Variants in PACRG observed in about 807,000 individuals in gnomAD.
PACRG encodes the protein parkin coregulated gene protein.
PACRG carries 29 observed loss-of-function variants against 29.7 expected under a neutral mutation model. That is an observed-to-expected ratio of 0.98 (90% CI 0.73 to 1.33). The LOEUF (loss-of-function observed/expected upper bound fraction) is 1.33, where lower values mean the gene tolerates loss of function less well. Among genes scored for constraint, PACRG ranks in the 40% most tolerant of loss-of-function variants. The probability of loss-of-function intolerance (pLI) is 0.00; values close to 1 mark genes in which losing one functional copy is unlikely to be tolerated. For synonymous variants in PACRG, 116 were observed against 118.7 expected (o/e 0.98, Z 0.15); for missense variants, 279 against 316.2 (o/e 0.88, Z 0.89).
At chr6:163,267,208 A>G (rs561771580) in intron 4 of PACRG, among the ~76,000 whole-genome samples, 1 of 152,200 alleles carries the variant, frequency 6.6e-6, no homozygotes, top group African/African-American at 2.4e-5. Context: ...TGGGACCACA[A>G]ATGACCCCTG....
At chr6:162,864,517 T>A (rs960696272) in intron 2 of PACRG, among the ~76,000 whole-genome samples, 1 of 152,188 alleles carries the variant, frequency 6.6e-6, no homozygotes, top group Non-Finnish European at 1.5e-5. Flanking sequence ...TGTTCTTTCT[T>A]CCTGCCTGTC....
intron 1 of PACRG, among the ~76,000 whole-genome samples, chr6:162,807,716 A>T (rs1035931920): frequency 3.9e-5 from 6 of 152,170 alleles, no homozygotes; most frequent in African/African-American, 1.4e-4. Flanking sequence ...TAGTACCAGG[A>T]TTACCAAAAC....
chr6:163,180,337 G>A (rs960809572), intron 4 of PACRG, among the ~76,000 whole-genome samples: 2 of 152,156 alleles, frequency 1.3e-5, no homozygotes, highest in Non-Finnish European at 2.9e-5. Flanking sequence ...ATATCACGAA[G>A]CCTTCACAAG....
In PACRG at chr6:162,907,378, A is replaced by C. The variant is rs181891698; in HGVS notation, c.291+93097A>C. Among the ~76,000 whole-genome samples, 28 of 152,302 alleles carry C rather than the reference A, an allele frequency of 1.8e-4. No homozygotes were observed. The East Asian group carries it at 5.2e-3, about 28-fold the overall frequency. On this transcript the variant is annotated intron_variant, in intron 2 of 4. Transcript: ENST00000366888. ...ATTCATAAGGAAAAATTGAAATTAA[A>C]CAATTTTTCTTTCAATTGGGCATTT...
Position 163,006,020 on chromosome 6 carries a change from A to G in PACRG, c.292-56130A>G, listed in dbSNP as rs539816021. Among the ~76,000 whole-genome samples the G allele has an allele frequency of 7.1e-3, 969 of 135,804 alleles. 17 individuals are homozygous for G. Among genetic ancestry groups the G allele is most frequent in the African/African-American group, 0.029 (913 of 31,378 alleles). 89.1% of individuals were successfully genotyped at this position (135,804 alleles called of 152,430 possible). On this transcript the variant is annotated intron_variant, in intron 2 of 4. Coordinates refer to ENST00000366888, the MANE Select transcript of PACRG (RefSeq NM_001080379.2). Reference sequence around the variant, plus strand: ...TGTATAACATTTATATGTTATATACATTATATATGTTATATATAACATATA... The same window carrying G: ...TGTATAACATTTATATGTTATATACGTTATATATGTTATATATAACATATA...
intron 1 of PACRG, among the ~76,000 whole-genome samples, chr6:162,787,576 G>A (rs1160474177): frequency 1.0e-4 from 6 of 59,520 alleles, no homozygotes; most frequent in South Asian, 6.8e-4. Context: ...GTGTGTGTGT[G>A]TGTGTGTATA....
At chr6:163,262,830 G>T (rs563503595) in intron 4 of PACRG, among the ~76,000 whole-genome samples, 1 of 150,004 alleles carries the variant, frequency 6.7e-6, no homozygotes, top group Non-Finnish European at 1.5e-5. Flanking sequence ...TCACTTGAGC[G>T]CAGAAGTTCA....
intron 1 of PACRG, among the ~76,000 whole-genome samples, chr6:162,809,771 T>G (rs778051102): frequency 2.6e-5 from 4 of 152,194 alleles, no homozygotes; most frequent in Non-Finnish European, 4.4e-5. Context: ...ACTATGTGAC[T>G]TCTAGAAAAA....
chr6:163,227,231 G>T (rs929716709), intron 4 of PACRG, among the ~76,000 whole-genome samples: 3 of 152,160 alleles, frequency 2.0e-5, no homozygotes, highest in Admixed American at 6.5e-5. Flanking sequence ...ACGATAGAGG[G>T]CGAAGTAGGA....
chr6:163,312,603 A>G (rs1486624268), intron 4 of PACRG, among the ~76,000 whole-genome samples: 1 of 151,930 alleles, frequency 6.6e-6, no homozygotes, highest in East Asian at 1.9e-4. Flanking sequence ...AATCTTAAGA[A>G]ATATAAACAG....
rs370462604 is a variant in PACRG, at chr6:162,941,048, A to ATGTGTGTG, written c.292-121090_292-121083dup. On this transcript the variant is annotated intron_variant, in intron 2 of 4. Coordinates refer to ENST00000366888, the MANE Select transcript of PACRG (RefSeq NM_001080379.2). Reference sequence around the variant, plus strand: ...TGTTTGTATATGTGTGTGTTTGTGCATGTGTGTGTGTGTGTGTGTTTGTGT... The same window carrying ATGTGTGTG: ...TGTTTGTATATGTGTGTGTTTGTGCATGTGTGTGTGTGTGTGTGTGTGTGTGTTTGTGT... Among the ~76,000 whole-genome samples the ATGTGTGTG allele has an allele frequency of 8.9e-3, 727 of 81,938 alleles. 4 individuals are homozygous for ATGTGTGTG. The highest frequency in any genetic ancestry group is 0.014 in the African/African-American group (446 of 31,384). 53.8% of individuals were successfully genotyped at this position (81,938 alleles called of 152,430 possible).
chr6:163,106,500 C>T (rs1815388995), intron 4 of PACRG, among the ~76,000 whole-genome samples: 1 of 152,090 alleles, frequency 6.6e-6, no homozygotes, highest in African/African-American at 2.4e-5. Context: ...TGGCATTATT[C>T]TTGGATGAAA....
intron 1 of PACRG, among the ~76,000 whole-genome samples, chr6:162,755,320 C>G (rs1781825053): frequency 6.6e-6 from 1 of 151,866 alleles, no homozygotes; most frequent in African/African-American, 2.4e-5. Flanking sequence ...CATTTTCTTT[C>G]TTCTGCTAAT....
chr6:163,097,979 A>T (rs1814754518), intron 4 of PACRG, among the ~76,000 whole-genome samples: 1 of 152,142 alleles, frequency 6.6e-6, no homozygotes, highest in South Asian at 2.1e-4. Context: ...TTTTCAGTCC[A>T]TTTCAAAATA....
At chr6:162,911,645 G>T (rs559443206) in intron 2 of PACRG, among the ~76,000 whole-genome samples, 1 of 152,310 alleles carries the variant, frequency 6.6e-6, no homozygotes, top group South Asian at 2.1e-4. Context: ...GAGGGTCTGT[G>T]TTATAGTAAA....
intron 2 of PACRG, among the ~76,000 whole-genome samples, chr6:163,020,108 A>G (rs1806473018): frequency 2.0e-5 from 3 of 152,232 alleles, no homozygotes; most frequent in Admixed American, 6.5e-5. Flanking sequence ...TGTCAGGGTA[A>G]CAATGTAAAG....
intron 1 of PACRG, among the ~76,000 whole-genome samples, chr6:162,792,511 G>A (rs976494276): frequency 2.6e-5 from 4 of 152,160 alleles, no homozygotes; most frequent in African/African-American, 4.8e-5. Flanking sequence ...GGTCAAGACC[G>A]TGATAGAACA....
intron 3 of PACRG, among the ~76,000 whole-genome samples, chr6:163,080,025 A>G (rs527560756): frequency 4.3e-4 from 63 of 145,666 alleles, no homozygotes; most frequent in Non-Finnish European, 8.0e-4. Context: ...AGCCTCCCTT[A>G]GTAGCTGAAA....
At chr6:163,065,617 G>A (rs1454632514) in intron 3 of PACRG, among the ~76,000 whole-genome samples, 2 of 152,122 alleles carry the variant, frequency 1.3e-5, no homozygotes, top group Non-Finnish European at 2.9e-5. Flanking sequence ...GTGCACAATC[G>A]GAGGAAAAGA....
Sources: allele counts gnomAD v4.1 joint callset (sites outside exome capture counted in the v4.1 genomes callset), GRCh38; gene constraint gnomAD v4.1.1; transcripts MANE v1.5; gene names NCBI Gene and HGNC (gene_info 2026-07-23, HGNC 2026-07-21).